The following VIT variants were observed in gnomAD, a reference collection of about 807,000 sequenced individuals.
The protein encoded by VIT is vitrin.
VIT carries 99 observed loss-of-function variants against 78.0 expected under a neutral mutation model. The observed-to-expected ratio is 1.27, with a 90% confidence interval of 1.08 to 1.50. VIT has a LOEUF of 1.50. Among genes scored for constraint, VIT ranks in the 40% most tolerant of loss-of-function variants. The probability of loss-of-function intolerance (pLI) is 0.00; values close to 1 mark genes in which losing one functional copy is unlikely to be tolerated. For synonymous variants in VIT, 374 were observed against 334.3 expected, an observed-to-expected ratio of 1.12 and a Z score of -1.29; for missense variants, 1,126 against 875.3, an observed-to-expected ratio of 1.29 and a Z score of -3.61.
chr2:36,810,752 G>C (rs753671506), intron 15 of VIT, among the ~76,000 whole-genome samples: 12 of 151,776 alleles, frequency 7.9e-5, no homozygotes, highest in Non-Finnish European at 1.6e-4. Flanking sequence ...TTCTGGCTCA[G>C]CCTCCCGAGT....
intron 2 of VIT, among the ~76,000 whole-genome samples, chr2:36,724,944 A>G (rs35124821): frequency 0.035 from 5,383 of 152,278 alleles, 132 homozygotes; most frequent in South Asian, 0.06. Context: ...GCTTGTTTTA[A>G]AAATATTATA....
intron 12 of VIT, among the ~76,000 whole-genome samples, chr2:36,793,725 A>AGC (rs1665663148): frequency 8.8e-6 from 1 of 113,778 alleles, no homozygotes; most frequent in Non-Finnish European, 1.9e-5. Flanking sequence ...GAGAAAATAG[A>AGC]AAAGTTCTTG....
At chr2:36,703,002 C>G (rs1262019780) in intron 1 of VIT, among the ~76,000 whole-genome samples, 1 of 152,158 alleles carries the variant, frequency 6.6e-6, no homozygotes, top group Non-Finnish European at 1.5e-5. Context: ...CCCAGGCTGA[C>G]TCTGTCACAC....
At chr2:36,729,338 G>A in intron 2 of VIT, 88 bp from the exon 3 acceptor site, 1 of 1,157,612 alleles carries the variant, frequency 8.6e-7, no homozygotes, top group East Asian at 2.6e-5. Flanking sequence ...AGAATACTTT[G>A]TGGATGATCG....
chr2:36,775,055 G>A lies in VIT; in HGVS notation c.790G>A (p.Asp264Asn). 1.2e-6 allele frequency: 2 copies of A among 1,613,972 alleles called. No individual in the cohort carries two copies. The highest frequency in any genetic ancestry group is 2.2e-5 in the East Asian group (1 of 44,874). The change falls in exon 9 of 16, where the codon GAT (aspartate) becomes AAT (asparagine). Residue 264 changes from aspartate to asparagine, a missense_variant. Transcript: ENST00000379242. ...TGCCTTCCAGAAACCTGTTGGAGCG[G>A]ATGTCAGCCTGGGTAAGCTGCCCAC... is the stretch of plus-strand genomic sequence containing the variant. ...GAAFQKPVGA[D>N]VSLGEMDSWK... is the part of the protein sequence containing the mutation.
At chr2:36,712,609 G>T (rs1665873694) in intron 1 of VIT, among the ~76,000 whole-genome samples, 1 of 152,108 alleles carries the variant, frequency 6.6e-6, no homozygotes, top group Non-Finnish European at 1.5e-5. Flanking sequence ...AGGCTGAGGC[G>T]GGTGGATCAT....
At chr2:36,700,813 C>T (rs995851724) in intron 1 of VIT, among the ~76,000 whole-genome samples, 25 of 152,074 alleles carry the variant, frequency 1.6e-4, no homozygotes, top group African/African-American at 5.6e-4. Flanking sequence ...TGTTCAAGCC[C>T]TTTTCATATA....
intron 11 of VIT, among the ~76,000 whole-genome samples, chr2:36,783,838 A>G (rs1208457884): frequency 6.6e-6 from 1 of 152,218 alleles, no homozygotes; most frequent in African/African-American, 2.4e-5. Flanking sequence ...GGAGAAGTTA[A>G]AGATGAGTTG....
intron 9 of VIT, among the ~76,000 whole-genome samples, chr2:36,780,275 G>C (rs145814324): frequency 6.6e-6 from 1 of 152,306 alleles, no homozygotes; most frequent in East Asian, 1.9e-4. Flanking sequence ...TAAAGTAATA[G>C]AGCACCCAGC....
intron 2 of VIT, among the ~76,000 whole-genome samples, chr2:36,719,649 G>T (rs1181616652): frequency 3.9e-5 from 6 of 152,136 alleles, no homozygotes; most frequent in Admixed American, 2.6e-4. Flanking sequence ...ATTATAAAAC[G>T]TTGATGAGGC....
intron 1 of VIT, among the ~76,000 whole-genome samples, chr2:36,710,772 A>T (rs1331399342): frequency 2.6e-5 from 4 of 152,198 alleles, no homozygotes; most frequent in Non-Finnish European, 5.9e-5. Flanking sequence ...ATTTCATTGT[A>T]TGGATAAACC....
intron 4 of VIT, among the ~76,000 whole-genome samples, chr2:36,753,672 G>A (rs1558540890): frequency 6.6e-6 from 1 of 152,178 alleles, no homozygotes; most frequent in Non-Finnish European, 1.5e-5. Flanking sequence ...GAGGGAATCA[G>A]GTCTTCTGGG....
intron 3 of VIT, among the ~76,000 whole-genome samples, chr2:36,733,886 T>C (rs960662749): frequency 2.0e-5 from 3 of 152,228 alleles, no homozygotes; most frequent in African/African-American, 7.2e-5. Context: ...CTTGATCATC[T>C]AACCGTTAGC....
intron 12 of VIT, among the ~76,000 whole-genome samples, chr2:36,796,819 C>T (rs1296774631): frequency 2.0e-5 from 3 of 151,920 alleles, no homozygotes; most frequent in African/African-American, 4.8e-5. Flanking sequence ...AATTATTTGT[C>T]GATGAGCAAC....
At chr2:36,805,788 G>T (rs906125498) in intron 14 of VIT, 124 bp downstream of exon 14, 2 of 1,064,598 alleles carry the variant, frequency 1.9e-6, no homozygotes, top group Non-Finnish European at 2.7e-6. Flanking sequence ...AGGCAGTAAG[G>T]CCTCCAGGGA....
chr2:36,720,538 T>C (rs866932214), intron 2 of VIT, among the ~76,000 whole-genome samples: 10 of 152,328 alleles, frequency 6.6e-5, no homozygotes, highest in Middle Eastern at 3.4e-3. Context: ...ACAATGTAAG[T>C]GTACCAAAGG....
intron 1 of VIT, among the ~76,000 whole-genome samples, chr2:36,701,935 A>C (rs531519880): frequency 8.5e-5 from 13 of 152,248 alleles, no homozygotes; most frequent in Non-Finnish European, 1.6e-4. Context: ...TCTTGGGAAG[A>C]AGAGTGAACA....
At chr2:36,699,422 T>C (rs1664882828) in intron 1 of VIT, among the ~76,000 whole-genome samples, 1 of 152,102 alleles carries the variant, frequency 6.6e-6, no homozygotes, top group Non-Finnish European at 1.5e-5. Flanking sequence ...TTATGGTATA[T>C]TTTAAATATG....
chr2:36,781,736 A>C lies in VIT; in HGVS notation c.812A>C (p.Asp271Ala). The change falls in exon 10 of 16, where the codon GAC (aspartate) becomes GCC (alanine). Residue 271 changes from aspartate to alanine, a missense_variant. By Grantham distance (126) the Asp-to-Ala change is moderately radical. Transcript: ENST00000379242. Reference sequence around the variant, plus strand: ...CAATTTTGAAAATCAGGAGAGATGGACTCATGGAAACCTGGATCGGTCCTT... The same window carrying C: ...CAATTTTGAAAATCAGGAGAGATGGCCTCATGGAAACCTGGATCGGTCCTT... ...VGADVSLGEM[D>A]SWKPGSVLLD... 2 of 1,614,104 alleles carry C rather than the reference A, an allele frequency of 1.2e-6. No homozygotes were observed. Among genetic ancestry groups the C allele is most frequent in the South Asian group, 1.1e-5 (1 of 91,080 alleles).
Sources: allele counts gnomAD v4.1 joint callset (sites outside exome capture counted in the v4.1 genomes callset), GRCh38; gene constraint gnomAD v4.1.1; transcripts MANE v1.5; gene names NCBI Gene and HGNC (gene_info 2026-07-23, HGNC 2026-07-21).